PPIG: variants seen among roughly 807,000 people sequenced by gnomAD.
PPIG encodes the protein peptidylprolyl isomerase G, also known as peptidyl-prolyl cis-trans isomerase G.
A neutral mutation model predicts 87.9 loss-of-function variants in PPIG; 26 were observed. The observed-to-expected ratio is 0.30, with a 90% confidence interval of 0.22 to 0.41. PPIG has a LOEUF of 0.41. Ranked by LOEUF, PPIG falls within the 10% of genes least tolerant of loss-of-function variation. PPIG has a pLI of 1.00. For missense variants in PPIG, 722 were observed against 879.4 expected (o/e 0.82, Z 2.26); for synonymous variants, 308 against 276.5 (o/e 1.11, Z -1.13).
chr2:169,636,146 A>ACTC lies in PPIG; in HGVS notation c.1077_1079dup (p.Pro360dup). Reference sequence around the variant, plus strand: ...AAGGGATCGTTTCAGACGTAGTGAGACTCCTCCACATTGGAGGCAAGAGAT... The same window carrying ACTC: ...AAGGGATCGTTTCAGACGTAGTGAGACTCCTCCTCCACATTGGAGGCAAGAGAT... On this transcript the variant is annotated inframe_insertion, in exon 13 of 14. Coordinates refer to ENST00000260970, the MANE Select transcript of PPIG (RefSeq NM_004792.3). 6.2e-7 allele frequency: 1 copy of ACTC among 1,611,392 alleles called. No homozygotes were observed. Among genetic ancestry groups the ACTC allele is most frequent in the Non-Finnish European group, 8.5e-7 (1 of 1,178,714 alleles).
chr2:169,620,421 A>C (rs879814285), intron 9 of PPIG, among the ~76,000 whole-genome samples: 43 of 151,980 alleles, frequency 2.8e-4, no homozygotes, highest in Admixed American at 2.8e-3. Context: ...CCATGAAGTC[A>C]GTTAACTTTT....
intron 7 of PPIG, among the ~76,000 whole-genome samples, chr2:169,611,181 C>T (rs2683438): frequency 0.4 from 61,359 of 151,984 alleles, 13,032 homozygotes; most frequent in East Asian, 0.58. Flanking sequence ...CAGAGCAAGA[C>T]TCCATCTCAG....
chr2:169,585,751 T>C (rs1684685887), intron 1 of PPIG, among the ~76,000 whole-genome samples: 1 of 152,302 alleles, frequency 6.6e-6, no homozygotes, highest in South Asian at 2.1e-4. Flanking sequence ...TATAGTTTGG[T>C]ACTAACATAG....
At chr2:169,623,246 C>T (rs753799884) in intron 9 of PPIG, among the ~76,000 whole-genome samples, 2 of 152,160 alleles carry the variant, frequency 1.3e-5, no homozygotes, top group African/African-American at 2.4e-5. Context: ...CAGACCAGTA[C>T]CTTGATTAAG....
intron 1 of PPIG, among the ~76,000 whole-genome samples, chr2:169,592,331 G>T (rs1684891361): frequency 1.5e-5 from 2 of 130,482 alleles, no homozygotes; most frequent in African/African-American, 3.0e-5. Context: ...TTGAGATGGA[G>T]TCTCGCTCTG....
intron 9 of PPIG, among the ~76,000 whole-genome samples, chr2:169,619,557 T>C (rs1685688526): frequency 1.3e-5 from 2 of 152,178 alleles, no homozygotes; most frequent in Non-Finnish European, 2.9e-5. Flanking sequence ...GGTGCTCCTG[T>C]ATTGGTGCAT....
rs1686283550 is a variant in PPIG, at chr2:169,640,388, ATTAAC to A, written c.*2868_*2872del. The A allele has an allele frequency of 4.6e-5, 7 of 152,320 alleles. No homozygotes were observed. The South Asian group carries it at 1.5e-3, about 32-fold the overall frequency. The allele number at this position is 152,320 out of a possible 1,614,324, so 9.4% of individuals were successfully genotyped here. On this transcript the variant is annotated 3_prime_UTR_variant, in exon 14 of 14. Coordinates refer to ENST00000260970, the MANE Select transcript of PPIG (RefSeq NM_004792.3). Reference sequence around the variant, plus strand: ...GATCTCTGGTATTTTGGGTAGTGGTATTAACTTGACAATTCTAATTTATTTTAGTT... The same window carrying A: ...GATCTCTGGTATTTTGGGTAGTGGTATTGACAATTCTAATTTATTTTAGTT...
At chr2:169,624,366 T>A (rs1183188289) in intron 9 of PPIG, among the ~76,000 whole-genome samples, 1 of 152,184 alleles carries the variant, frequency 6.6e-6, no homozygotes, top group Non-Finnish European at 1.5e-5. Flanking sequence ...TGGGAAATCA[T>A]TCTACTTAAT....
chr2:169,633,722 C>G (rs562999188), intron 12 of PPIG, among the ~76,000 whole-genome samples: 1 of 152,260 alleles, frequency 6.6e-6, no homozygotes, highest in Non-Finnish European at 1.5e-5. Flanking sequence ...TACCGTTGTT[C>G]TGCTGAAAAC....
chr2:169,621,112 T>C (rs1685735981), intron 9 of PPIG, among the ~76,000 whole-genome samples: 1 of 152,150 alleles, frequency 6.6e-6, no homozygotes, highest in Non-Finnish European at 1.5e-5. Context: ...TATATGTTAC[T>C]GACTCATTAA....
chr2:169,629,098 A>T (rs1685972735), intron 9 of PPIG, among the ~76,000 whole-genome samples: 1 of 152,192 alleles, frequency 6.6e-6, no homozygotes, highest in African/African-American at 2.4e-5. Context: ...CCAACAGATA[A>T]TCCAAAGATA....
chr2:169,603,207 A>G (rs1024749404), intron 1 of PPIG, among the ~76,000 whole-genome samples: 3 of 152,182 alleles, frequency 2.0e-5, no homozygotes, highest in African/African-American at 7.2e-5. Flanking sequence ...TTTGGATACT[A>G]TTTACACTTA....
intron 1 of PPIG, among the ~76,000 whole-genome samples, chr2:169,586,203 A>G (rs1418202219): frequency 3.3e-5 from 5 of 152,116 alleles, no homozygotes; most frequent in Admixed American, 6.5e-5. Flanking sequence ...CTGAGATCCT[A>G]TAGGGTCTTG....
intron 1 of PPIG, among the ~76,000 whole-genome samples, chr2:169,585,451 C>G (rs999136944): frequency 4.0e-5 from 6 of 151,684 alleles, no homozygotes; most frequent in Admixed American, 6.6e-5. Flanking sequence ...TTAGTAGAGA[C>G]GGGTTTTCAC....
chr2:169,631,012 T>C (rs765989018), intron 10 of PPIG, 25 bp downstream of exon 10: 3 of 1,520,628 alleles, frequency 2.0e-6, no homozygotes, highest in South Asian at 2.5e-5. Flanking sequence ...TTTCTAATGC[T>C]AGCTTTATAT....
At chr2:169,591,920 A>ATTTTTTTTTT (rs3067016) in intron 1 of PPIG, among the ~76,000 whole-genome samples, 10 of 87,410 alleles carry the variant, frequency 1.1e-4, no homozygotes, top group Admixed American at 1.7e-4. Flanking sequence ...GCAATTCATG[A>ATTTTTTTTTT]TTTTTTTTTT....
intron 9 of PPIG, among the ~76,000 whole-genome samples, chr2:169,624,428 A>G (rs1273702515): frequency 6.6e-6 from 1 of 152,182 alleles, no homozygotes; most frequent in Non-Finnish European, 1.5e-5. Flanking sequence ...GCCCAAGTTG[A>G]AAGTGTTATT....
Position 169,619,755 on chromosome 2 carries a change from T to C in PPIG, c.547+5031T>C, listed in dbSNP as rs77724164. Among the ~76,000 whole-genome samples the C allele has an allele frequency of 4.6e-3, 702 of 152,206 alleles. 2 individuals carry two copies. The highest frequency in any genetic ancestry group is 0.016 in the African/African-American group (672 of 41,556). On this transcript the variant is annotated intron_variant, in intron 9 of 13. Transcript: ENST00000260970. ...TCACATCCTCTCCCTTGTTTTCTTT[T>C]TTTTTTATAATAGCCATTGTAACAG...
At chr2:169,591,074 A>G (rs181848389) in intron 1 of PPIG, among the ~76,000 whole-genome samples, 261 of 152,348 alleles carry the variant, frequency 1.7e-3, no homozygotes, top group African/African-American at 5.9e-3. Flanking sequence ...TGACTTCCTC[A>G]TAATGTGTGA....
Sources: allele counts gnomAD v4.1 joint callset (sites outside exome capture counted in the v4.1 genomes callset), GRCh38; gene constraint gnomAD v4.1.1; transcripts MANE v1.5; gene names NCBI Gene and HGNC (gene_info 2026-07-23, HGNC 2026-07-21).